Variants in ITPR1 observed in about 807,000 individuals in gnomAD.
The protein encoded by ITPR1 is inositol 1,4,5-trisphosphate-gated calcium channel ITPR1.
In ITPR1, 96 loss-of-function variants were observed where a neutral mutation model predicts 318.4. The ratio of observed to expected loss-of-function variants is 0.30; its 90% CI spans 0.26 to 0.36. ITPR1 has a LOEUF of 0.36. Ranked by LOEUF, ITPR1 falls within the 10% of genes least tolerant of loss-of-function variation. The pLI is 1.00. For synonymous variants in ITPR1, 1,312 were observed against 1,289.9 expected (o/e 1.02, Z -0.37); for missense variants, 2,440 against 3,460.2 (o/e 0.71, Z 7.40).
chr3:4,499,104 T>A (rs2124868948), intron 2 of ITPR1, among the ~76,000 whole-genome samples: 1 of 152,338 alleles, frequency 6.6e-6, no homozygotes, highest in East Asian at 1.9e-4. Flanking sequence ...TAATATACTA[T>A]GATTGCATCT....
At chr3:4,533,231 A>G (rs115222057) in intron 4 of ITPR1, among the ~76,000 whole-genome samples, 1 of 152,320 alleles carries the variant, frequency 6.6e-6, no homozygotes, top group Non-Finnish European at 1.5e-5. Context: ...CAAATAGAAA[A>G]AAACAATAGC....
intron 44 of ITPR1, among the ~76,000 whole-genome samples, chr3:4,755,213 AGTT>A (rs1395264077): frequency 7.6e-6 from 1 of 130,908 alleles, no homozygotes; most frequent in Non-Finnish European, 1.6e-5. Context: ...TTGTTGGTTG[AGTT>A]GTTGTTGAAT....
chr3:4,652,204 T>C lies in ITPR1; in HGVS notation c.937T>C (p.Tyr313His). The C allele has an allele frequency of 6.2e-7, 1 of 1,611,626 alleles. No homozygotes were observed. The change falls in exon 11 of 62, where the codon TAC becomes CAC. Residue 313 changes from tyrosine (Y) to histidine (H), a missense_variant. Tyr to His is a moderately conservative substitution (Grantham distance 83). Transcript: ENST00000649015. Reference protein sequence around the residue: ...FRFKHLATGHYLAAEVDPDFE... With the variant: ...FRFKHLATGHHLAAEVDPDFE... The stretch of plus-strand genomic sequence containing the variant: ...TTTCAAGCATCTGGCCACGGGGCAT[T>C]ACTTGGCAGCAGAGGTAAGTAGCAG...
chr3:4,514,085 TAA>T (rs761609034), intron 2 of ITPR1, among the ~76,000 whole-genome samples: 3 of 135,184 alleles, frequency 2.2e-5, no homozygotes, highest in Non-Finnish European at 3.2e-5. Context: ...AGACTCTGTC[TAA>T]AAAAAAAAAA....
intron 11 of ITPR1, 57 bp from the exon 12 acceptor site, chr3:4,653,785 C>T (rs2093647210): frequency 1.0e-5 from 13 of 1,301,352 alleles, no homozygotes; most frequent in Non-Finnish European, 1.4e-5. Flanking sequence ...GCAAGTGGGG[C>T]CCAGTCCTTA....
intron 5 of ITPR1, among the ~76,000 whole-genome samples, chr3:4,637,649 A>G (rs542466151): frequency 6.6e-6 from 1 of 152,312 alleles, no homozygotes; most frequent in East Asian, 1.9e-4. Context: ...TGTTGTTTTA[A>G]AGAGCTGATA....
At chr3:4,635,306 A>G (rs185716654) in intron 5 of ITPR1, among the ~76,000 whole-genome samples, 6 of 152,314 alleles carry the variant, frequency 3.9e-5, no homozygotes, top group African/African-American at 1.4e-4. Flanking sequence ...ATCCTTTAGA[A>G]AGGTGCTAAC....
chr3:4,806,951 T>TA (rs1222098717), intron 55 of ITPR1, among the ~76,000 whole-genome samples: 1 of 152,010 alleles, frequency 6.6e-6, no homozygotes, highest in Non-Finnish European at 1.5e-5. Flanking sequence ...TGTGCCTACA[T>TA]AAAATGACAG....
intron 4 of ITPR1, among the ~76,000 whole-genome samples, chr3:4,533,010 G>C (rs2083546349): frequency 6.6e-6 from 1 of 152,188 alleles, no homozygotes; most frequent in Non-Finnish European, 1.5e-5. Flanking sequence ...CCATTTGACT[G>C]TGTGTGTTTT....
At chr3:4,521,483 A>G (rs1452139234) in intron 4 of ITPR1, among the ~76,000 whole-genome samples, 1 of 152,228 alleles carries the variant, frequency 6.6e-6, no homozygotes, top group African/African-American at 2.4e-5. Context: ...TTTAAGAGGT[A>G]TCTAATGATA....
At chr3:4,761,805 G>A (rs1014013723) in intron 44 of ITPR1, among the ~76,000 whole-genome samples, 3 of 152,180 alleles carry the variant, frequency 2.0e-5, no homozygotes, top group African/African-American at 7.2e-5. Context: ...GCTCCCACCA[G>A]CCATAGGGAG....
At chr3:4,588,995 G>A (rs2090158608) in intron 4 of ITPR1, among the ~76,000 whole-genome samples, 1 of 152,190 alleles carries the variant, frequency 6.6e-6, no homozygotes, top group South Asian at 2.1e-4. Context: ...CCAGACCATT[G>A]TTTCCCAGAC....
At chr3:4,661,140 G>A (rs555467678) in intron 14 of ITPR1, 53 bp downstream of exon 14, 1 of 1,051,454 alleles carries the variant, frequency 9.5e-7, no homozygotes, top group African/African-American at 1.6e-5. Context: ...CCTAATGAAA[G>A]GGCTCCTTTG....
intron 61 of ITPR1, among the ~76,000 whole-genome samples, chr3:4,842,581 C>T (rs182864425): frequency 2.2e-4 from 33 of 152,160 alleles, no homozygotes; most frequent in African/African-American, 6.0e-4. Context: ...TTGGCCAGGC[C>T]GGTCTCGAAC....
At chr3:4,783,687 G>A (rs752749217) in intron 50 of ITPR1, 129 bp from the exon 51 acceptor site, 29 of 751,590 alleles carry the variant, frequency 3.9e-5, no homozygotes, top group African/African-American at 1.6e-4. Flanking sequence ...AGCAAGCCTC[G>A]TGGCACCTTT....
intron 61 of ITPR1, among the ~76,000 whole-genome samples, chr3:4,838,937 T>C (rs2051130313): frequency 6.6e-6 from 1 of 152,280 alleles, no homozygotes; most frequent in African/African-American, 2.4e-5. Context: ...TTTTGAATTG[T>C]TCACGAAGAG....
At chr3:4,603,820 T>C (rs1274564255) in intron 4 of ITPR1, among the ~76,000 whole-genome samples, 1 of 152,204 alleles carries the variant, frequency 6.6e-6, no homozygotes, top group Non-Finnish European at 1.5e-5. Flanking sequence ...GCGTGTGTCT[T>C]TTTGGTAGAA....
intron 16 of ITPR1, 51 bp downstream of exon 16, chr3:4,663,257 G>A (rs2093875613): frequency 1.3e-6 from 2 of 1,545,658 alleles, no homozygotes; most frequent in Admixed American, 1.8e-5. Flanking sequence ...AAATCATAAA[G>A]CATGAGTGGT....
chr3:4,561,169 A>G (rs1416701613), intron 4 of ITPR1, among the ~76,000 whole-genome samples: 1 of 152,214 alleles, frequency 6.6e-6, no homozygotes, highest in Non-Finnish European at 1.5e-5. Flanking sequence ...GTTTTGAATA[A>G]ATAGTCTCAT....
Sources: gnomAD v4.1 joint callset for allele counts (sites outside exome capture counted in the v4.1 genomes callset) on GRCh38, gnomAD v4.1.1 for gene constraint, MANE v1.5 for transcripts, NCBI Gene and HGNC (gene_info 2026-07-23, HGNC 2026-07-21) for gene names.